The following ARID1B variants were observed in gnomAD, a reference collection of about 807,000 sequenced individuals.
ARID1B encodes AT-rich interactive domain-containing protein 1B.
Under a neutral mutation model 212.3 loss-of-function variants are expected in ARID1B, and 30 were observed. The ratio of observed to expected loss-of-function variants is 0.14; its 90% CI spans 0.11 to 0.19. The LOEUF (loss-of-function observed/expected upper bound fraction) is 0.19. Among genes scored for constraint, ARID1B ranks in the 10% least tolerant of loss-of-function variants. The pLI, the probability that ARID1B is intolerant of heterozygous loss-of-function variation, is 1.00. For missense variants in ARID1B, 2,891 were observed against 3,204.0 expected, an observed-to-expected ratio of 0.90 and a Z score of 2.36; for synonymous variants, 1,402 against 1,301.7, an observed-to-expected ratio of 1.08 and a Z score of -1.66.
At chr6:157,102,342 A>G (rs1173391964) in intron 5 of ARID1B, among the ~76,000 whole-genome samples, 1 of 152,214 alleles carries the variant, frequency 6.6e-6, no homozygotes, top group Non-Finnish European at 1.5e-5. Context: ...ATAAAACTAC[A>G]AGTAATCATT....
At chr6:156,808,881 A>G (rs556737356) in intron 1 of ARID1B, among the ~76,000 whole-genome samples, 1 of 152,290 alleles carries the variant, frequency 6.6e-6, no homozygotes, top group African/African-American at 2.4e-5. Context: ...AAGGATTTGT[A>G]TTTCATTGTG....
chr6:156,837,369 T>G (rs1403138184), intron 2 of ARID1B, among the ~76,000 whole-genome samples: 1 of 152,230 alleles, frequency 6.6e-6, no homozygotes, highest in African/African-American at 2.4e-5. Flanking sequence ...CAAGTATATA[T>G]TGAACAACAT....
chr6:156,792,162 C>G (rs772316640), intron 1 of ARID1B, among the ~76,000 whole-genome samples: 1 of 152,182 alleles, frequency 6.6e-6, no homozygotes, highest in Non-Finnish European at 1.5e-5. Context: ...TCTTCTAAGT[C>G]TTTCTCTAAA....
At chr6:156,878,863 A>T (rs1390549167) in intron 2 of ARID1B, among the ~76,000 whole-genome samples, 1 of 152,206 alleles carries the variant, frequency 6.6e-6, no homozygotes, top group Admixed American at 6.5e-5. Flanking sequence ...TGTCATCATC[A>T]TGGGTTTGTT....
intron 4 of ARID1B, among the ~76,000 whole-genome samples, chr6:156,948,369 C>T (rs1387681705): frequency 4.6e-5 from 7 of 152,040 alleles, no homozygotes; most frequent in Non-Finnish European, 1.0e-4. Flanking sequence ...TGTGCCACCA[C>T]GCCTGGCTAA....
chr6:157,099,483 A>C (rs1186077825), intron 5 of ARID1B, among the ~76,000 whole-genome samples: 9 of 151,234 alleles, frequency 6.0e-5, no homozygotes, highest in Non-Finnish European at 1.3e-4. Context: ...CACCTGTCAC[A>C]GAGTTATGAG....
At position 157,110,341 on chromosome 6, in the gene ARID1B, A is replaced by C. The variant is rs369938067; in HGVS notation, c.2492-131A>C. 964 of 709,356 alleles carry C rather than the reference A, an allele frequency of 1.4e-3. 10 individuals carry two copies. The highest frequency in any genetic ancestry group is 9.4e-3 in the African/African-American group (532 of 56,738). The allele number at this position is 709,356 out of a possible 1,614,324, so 43.9% of individuals were successfully genotyped here. A position where few individuals can be genotyped will look rare whatever the true frequency, so the allele number is the denominator to read the frequency against. Reference sequence around the variant, plus strand: ...AAGATGAACTATTACACTCTGAGCTATGTCTTTTTTTAATGGGGCTATACC... The same window carrying C: ...AAGATGAACTATTACACTCTGAGCTCTGTCTTTTTTTAATGGGGCTATACC... On this transcript the variant is annotated intron_variant, in intron 5 of 19. Transcript: ENST00000636930.
At chr6:156,806,684 A>G (rs920059001) in intron 1 of ARID1B, among the ~76,000 whole-genome samples, 1 of 152,170 alleles carries the variant, frequency 6.6e-6, no homozygotes, top group African/African-American at 2.4e-5. Context: ...TTGTGACCCA[A>G]ATCTGAGCTT....
At chr6:156,928,153 C>T (rs1302378432) in intron 3 of ARID1B, among the ~76,000 whole-genome samples, 6 of 152,198 alleles carry the variant, frequency 3.9e-5, no homozygotes, top group Non-Finnish European at 8.8e-5. Flanking sequence ...CCTGTAGAAG[C>T]TGACCTGGTG....
At position 156,980,723 on chromosome 6, in the gene ARID1B, A is replaced by G. The variant is rs117078267; in HGVS notation, c.2247+45147A>G. Reference sequence around the variant, plus strand: ...CTGGAGTGGAGGGACGGCCTTTGAGACAGTGGAGGGACCCGTGCAGCAGCC... The same window carrying G: ...CTGGAGTGGAGGGACGGCCTTTGAGGCAGTGGAGGGACCCGTGCAGCAGCC... On this transcript the variant is annotated intron_variant, in intron 4 of 19. Transcript: ENST00000636930. 3.3e-3 allele frequency among the ~76,000 whole-genome samples: 508 copies of G among 152,158 alleles called. 21 individuals carry two copies. In the East Asian group the frequency reaches 0.085, roughly 25 times the overall value.
In ARID1B at chr6:157,102,146, T is replaced by C. The variant is rs550937551; in HGVS notation, c.2492-8326T>C. On this transcript the variant is annotated intron_variant, in intron 5 of 19. Coordinates refer to ENST00000636930, the MANE Select transcript of ARID1B (RefSeq NM_001374828.1). ...TTTCTATAGTTGTATACTGTAGTAA[T>C]GTAGAAAGGAATTATCCCCAAGGAA... 3.3e-5 allele frequency among the ~76,000 whole-genome samples: 5 copies of C among 152,332 alleles called. No homozygotes were observed. In the South Asian group the frequency reaches 1.0e-3, roughly 32 times the overall value.
intron 2 of ARID1B, among the ~76,000 whole-genome samples, chr6:156,881,499 G>A (rs927504379): frequency 6.6e-6 from 1 of 152,060 alleles, no homozygotes; most frequent in Admixed American, 6.5e-5. Flanking sequence ...AATACCTTTA[G>A]GTTCTCTCTA....
chr6:156,974,991 T>C (rs1293224863), intron 4 of ARID1B, among the ~76,000 whole-genome samples: 2 of 152,164 alleles, frequency 1.3e-5, no homozygotes, highest in Non-Finnish European at 2.9e-5. Flanking sequence ...GGAACAGTCA[T>C]GTGTAGGTCT....
intron 2 of ARID1B, among the ~76,000 whole-genome samples, chr6:156,860,574 A>T (rs979105462): frequency 6.6e-6 from 1 of 152,178 alleles, no homozygotes; most frequent in African/African-American, 2.4e-5. Flanking sequence ...TCTGCGAGTT[A>T]ATTATCTAAC....
chr6:156,828,584 C>T (rs1016692501), intron 1 of ARID1B, among the ~76,000 whole-genome samples: 18 of 152,192 alleles, frequency 1.2e-4, no homozygotes, highest in Non-Finnish European at 1.5e-5. Context: ...TAAAATTCAA[C>T]ATCTACTTGT....
intron 2 of ARID1B, among the ~76,000 whole-genome samples, chr6:156,897,828 G>A (rs1788609963): frequency 2.0e-5 from 3 of 152,166 alleles, no homozygotes; most frequent in Admixed American, 6.5e-5. Context: ...GATTTGGGTA[G>A]TTCAAGAGAT....
intron 6 of ARID1B, among the ~76,000 whole-genome samples, chr6:157,114,342 G>A (rs1230974319): frequency 6.6e-6 from 1 of 151,764 alleles, no homozygotes; most frequent in Non-Finnish European, 1.5e-5. Context: ...TACCAACATG[G>A]TGAAACCCCG....
chr6:156,937,227 GAGAC>G (rs1326215322), intron 4 of ARID1B: 3 of 152,246 alleles, frequency 2.0e-5, no homozygotes, highest in Non-Finnish European at 2.9e-5. Flanking sequence ...GAGAAGGAGA[GAGAC>G]AGAGGCATGC....
intron 2 of ARID1B, among the ~76,000 whole-genome samples, chr6:156,859,309 A>T (rs1241045065): frequency 6.6e-6 from 1 of 152,166 alleles, no homozygotes; most frequent in Non-Finnish European, 1.5e-5. Flanking sequence ...TCCATCATAG[A>T]CCGAAACACT....
Sources: allele counts gnomAD v4.1 joint callset (sites outside exome capture counted in the v4.1 genomes callset), GRCh38; gene constraint gnomAD v4.1.1; transcripts MANE v1.5; gene names NCBI Gene and HGNC (gene_info 2026-07-23, HGNC 2026-07-21).